SLC41A2: variants seen among roughly 807,000 people sequenced by gnomAD.
SLC41A2 encodes the protein SLC41A1-like 1.
In SLC41A2, 32 loss-of-function variants were observed where a neutral mutation model predicts 58.3. The ratio of observed to expected loss-of-function variants is 0.55; its 90% confidence interval spans 0.41 to 0.74. The LOEUF is 0.74. Among genes scored for constraint, SLC41A2 ranks in the 30% least tolerant of loss-of-function variants. The pLI is 0.00. For synonymous variants in SLC41A2, 190 were observed against 235.0 expected (o/e 0.81, Z 1.75); for missense variants, 514 against 680.6 (o/e 0.76, Z 2.72).
intron 2 of SLC41A2, among the ~76,000 whole-genome samples, chr12:104,912,828 GATA>G (rs2046143384): frequency 6.6e-6 from 1 of 152,150 alleles, no homozygotes; most frequent in Non-Finnish European, 1.5e-5. Context: ...GCTACCTCTG[GATA>G]ATGTCAGAAT....
chr12:104,833,383 G>A (rs1434674859), intron 10 of SLC41A2, among the ~76,000 whole-genome samples: 1 of 152,152 alleles, frequency 6.6e-6, no homozygotes, highest in Non-Finnish European at 1.5e-5. Context: ...GATGACATTA[G>A]TCCAAATATG....
At chr12:104,854,379 C>T (rs935450612) in intron 8 of SLC41A2, among the ~76,000 whole-genome samples, 2 of 151,818 alleles carry the variant, frequency 1.3e-5, no homozygotes, top group Non-Finnish European at 1.5e-5. Flanking sequence ...CTGGCTAACA[C>T]GGTGAAACCC....
intron 2 of SLC41A2, among the ~76,000 whole-genome samples, chr12:104,911,870 C>T (rs1004718362): frequency 1.3e-5 from 2 of 152,120 alleles, no homozygotes; most frequent in East Asian, 3.8e-4. Flanking sequence ...AACTAACCAG[C>T]AAACGATTTT....
At chr12:104,945,735 A>C (rs1240658271) in intron 1 of SLC41A2, among the ~76,000 whole-genome samples, 1 of 152,242 alleles carries the variant, frequency 6.6e-6, no homozygotes, top group Non-Finnish European at 1.5e-5. Flanking sequence ...GTTATCTTTA[A>C]GTAAAAGGCA....
At chr12:104,833,688 G>GTTTA (rs2042115136) in intron 10 of SLC41A2, among the ~76,000 whole-genome samples, 1 of 151,910 alleles carries the variant, frequency 6.6e-6, no homozygotes, top group African/African-American at 2.4e-5. Flanking sequence ...TAATACAAAT[G>GTTTA]TTTAGCTTTC....
chr12:104,952,165 C>A (rs190726090), intron 1 of SLC41A2, among the ~76,000 whole-genome samples: 1 of 152,096 alleles, frequency 6.6e-6, no homozygotes, highest in Admixed American at 6.5e-5. Flanking sequence ...CAGACATTAC[C>A]AGAAACAGCA....
intron 3 of SLC41A2, among the ~76,000 whole-genome samples, chr12:104,895,761 C>T (rs1021364379): frequency 6.6e-5 from 10 of 152,000 alleles, no homozygotes; most frequent in African/African-American, 2.4e-4. Context: ...ATTATTGACC[C>T]AAAAACAAGA....
intron 10 of SLC41A2, among the ~76,000 whole-genome samples, chr12:104,822,905 G>T (rs939800583): frequency 2.0e-5 from 3 of 152,112 alleles, no homozygotes; most frequent in African/African-American, 7.2e-5. Flanking sequence ...TCACTATATT[G>T]AGAGGGAATT....
intron 3 of SLC41A2, among the ~76,000 whole-genome samples, chr12:104,906,724 A>G (rs1402998572): frequency 1.3e-5 from 2 of 152,234 alleles, no homozygotes; most frequent in African/African-American, 4.8e-5. Context: ...CTTAAAAAGC[A>G]TTTAAAATGC....
At chr12:104,887,542 A>G (rs1260824192) in intron 5 of SLC41A2, among the ~76,000 whole-genome samples, 1 of 151,942 alleles carries the variant, frequency 6.6e-6, no homozygotes, top group Non-Finnish European at 1.5e-5. Flanking sequence ...ATATCATTGA[A>G]AAAGAAAAAA....
intron 3 of SLC41A2, among the ~76,000 whole-genome samples, chr12:104,904,415 C>G (rs552185028): frequency 6.6e-6 from 1 of 152,166 alleles, no homozygotes; most frequent in Non-Finnish European, 1.5e-5. Context: ...AAAAGCCTCT[C>G]GGATTGAGTT....
intron 1 of SLC41A2, among the ~76,000 whole-genome samples, chr12:104,934,756 T>C (rs2047195685): frequency 6.6e-6 from 1 of 152,184 alleles, no homozygotes; most frequent in African/African-American, 2.4e-5. Flanking sequence ...CCGGAGGACA[T>C]TACGCTAATT....
intron 10 of SLC41A2, among the ~76,000 whole-genome samples, chr12:104,842,340 A>G (rs1044212929): frequency 1.3e-5 from 2 of 152,100 alleles, no homozygotes; most frequent in Non-Finnish European, 2.9e-5. Context: ...CAGGCTGCAA[A>G]TGCAAAGGTC....
At chr12:104,915,906 T>C (rs2046298053) in intron 2 of SLC41A2, among the ~76,000 whole-genome samples, 2 of 152,178 alleles carry the variant, frequency 1.3e-5, no homozygotes, top group African/African-American at 2.4e-5. Flanking sequence ...GGCTGTGGGT[T>C]TGTCATAGAT....
intron 3 of SLC41A2, among the ~76,000 whole-genome samples, chr12:104,906,943 G>A (rs145126589): frequency 5.1e-4 from 78 of 152,170 alleles, no homozygotes; most frequent in African/African-American, 1.8e-3. Context: ...TCCTGACCAC[G>A]TTGTGTAAAA....
chr12:104,829,021 T>C (rs1157916541), intron 10 of SLC41A2, among the ~76,000 whole-genome samples: 1 of 152,182 alleles, frequency 6.6e-6, no homozygotes, highest in African/African-American at 2.4e-5. Flanking sequence ...ATAGCAAGGA[T>C]GTGGAGCAAC....
In SLC41A2 at chr12:104,880,935, C is replaced by T. The variant is rs546527118; in HGVS notation, c.1027+5358G>A. ...CTCTGGTAGAATTCAGCTGTGAATC[C>T]GTCTGGTCCTGGACTTTTTTTGGTT... On this transcript the variant is annotated intron_variant, in intron 6 of 10. Transcript: ENST00000258538. Among the ~76,000 whole-genome samples, 7 of 152,220 alleles carry T rather than the reference C, an allele frequency of 4.6e-5. No homozygotes were observed. In the East Asian group the frequency reaches 5.8e-4, roughly 13 times the overall value.
At chr12:104,845,349 G>GA (rs938189686) in intron 9 of SLC41A2, among the ~76,000 whole-genome samples, 2 of 151,672 alleles carry the variant, frequency 1.3e-5, no homozygotes, top group East Asian at 1.9e-4. Context: ...TTTCATCAGG[G>GA]AAAAAAAATG....
At position 104,915,576 on chromosome 12, in the gene SLC41A2, TTA is replaced by T. The variant is rs1326239740; in HGVS notation, c.556-5816_556-5815del. On this transcript the variant is annotated intron_variant, in intron 2 of 10. Transcript: ENST00000258538. The stretch of plus-strand genomic sequence containing the variant: ...CATGATTTGGCTCTCTGTTTGTCTG[TTA>T]TTGGTGTATAAGAATGCTTGTGATT... Among the ~76,000 whole-genome samples, 22 of 152,312 alleles carry T rather than the reference TTA, an allele frequency of 1.4e-4. 1 individual carries two copies. Among genetic ancestry groups the T allele is most frequent in the South Asian group, 6.2e-4 (3 of 4,826 alleles).
Sources: gnomAD v4.1 joint callset for allele counts (sites outside exome capture counted in the v4.1 genomes callset) on GRCh38, gnomAD v4.1.1 for gene constraint, MANE v1.5 for transcripts, NCBI Gene and HGNC (gene_info 2026-07-23, HGNC 2026-07-21) for gene names.